FER: variants seen among roughly 807,000 people sequenced by gnomAD.
FER encodes the protein tyrosine-protein kinase Fer.
In FER, 63 loss-of-function variants were observed where a neutral mutation model predicts 111.0. The ratio of observed to expected loss-of-function variants is 0.57; its 90% CI spans 0.46 to 0.70. The LOEUF (loss-of-function observed/expected upper bound fraction) is 0.70, where lower values mean the gene tolerates loss of function less well. Among genes scored for constraint, FER ranks in the 30% least tolerant of loss-of-function variants. FER has a pLI of 0.00. For synonymous variants in FER, 327 were observed against 313.9 expected, an observed-to-expected ratio of 1.04 and a Z score of -0.44; for missense variants, 914 against 954.0, an observed-to-expected ratio of 0.96 and a Z score of 0.55.
intron 14 of FER, among the ~76,000 whole-genome samples, chr5:109,038,130 C>G (rs1486581196): frequency 4.0e-5 from 6 of 151,786 alleles, no homozygotes; most frequent in African/African-American, 1.4e-4. Context: ...ATGGCAGATA[C>G]TTGAGAATTA....
intron 10 of FER, among the ~76,000 whole-genome samples, chr5:108,919,248 A>T (rs1487725859): frequency 1.3e-5 from 2 of 151,002 alleles, no homozygotes; most frequent in Non-Finnish European, 2.9e-5. Context: ...GGATCTTGTA[A>T]TTCTAGTTGG....
chr5:109,025,809 TA>T (rs1768645544), intron 13 of FER, among the ~76,000 whole-genome samples: 1 of 152,076 alleles, frequency 6.6e-6, no homozygotes, highest in Non-Finnish European at 1.5e-5. Flanking sequence ...ATACCTAATT[TA>T]TTGAGAGTTT....
rs11957679 is a variant in FER, at chr5:108,782,137, A to T, written c.-60+13899A>T. 8.9e-3 allele frequency among the ~76,000 whole-genome samples: 1,351 copies of T among 152,102 alleles called. 16 individuals are homozygous for T. The highest frequency in any genetic ancestry group is 0.031 in the African/African-American group (1,268 of 41,472). On this transcript the variant is annotated intron_variant, in intron 2 of 19. Transcript: ENST00000281092. ...CTGCAGAGTTTTCTGCTTCAGTTTGATGGGATTCTTTGCAGTCACCTGTTC... is the reference window on the plus strand; with the variant it reads ...CTGCAGAGTTTTCTGCTTCAGTTTGTTGGGATTCTTTGCAGTCACCTGTTC...
Position 109,051,468 on chromosome 5 carries a change from G to T in FER, c.1924+4270G>T, listed in dbSNP as rs115715653. The stretch of plus-strand genomic sequence containing the variant: ...CATCGGGGAAATCAAAAGGCTGTGC[G>T]TGGGAGTTAGAGATGGTGCTTCCCG... On this transcript the variant is annotated intron_variant, in intron 16 of 19. Transcript: ENST00000281092. 126 of 1,611,920 alleles carry T rather than the reference G, an allele frequency of 7.8e-5. 1 individual carries two copies. The African/African-American group carries it at 1.5e-3, about 19-fold the overall frequency.
In FER at chr5:109,007,064, C is replaced by G. The variant is rs967672738; in HGVS notation, c.1657-30358C>G. 2.6e-5 allele frequency among the ~76,000 whole-genome samples: 4 copies of G among 152,012 alleles called. No homozygotes were observed. In the East Asian group the frequency reaches 7.7e-4, roughly 29 times the overall value. On this transcript the variant is annotated intron_variant, in intron 13 of 19. Transcript: ENST00000281092. ...AGTTGGGTTATTCAGAAAATTGAGG[C>G]ATTATTTTTTAGATGGGTTATTCAG...
At position 108,760,749 on chromosome 5, in the gene FER, G is replaced by C. The variant is rs529933414; in HGVS notation, c.-205-7344G>C. 2.2e-4 allele frequency among the ~76,000 whole-genome samples: 33 copies of C among 152,266 alleles called. 1 individual carries two copies. Among genetic ancestry groups the C allele is most frequent in the African/African-American group, 7.9e-4 (33 of 41,560 alleles). ...TTAGGCCTTGGCTTGAGGAAATTTT[G>C]TGGCTGGTTTGATCTATCTAGACTA... is the stretch of plus-strand genomic sequence containing the variant. On this transcript the variant is annotated intron_variant, in intron 1 of 19. Coordinates refer to ENST00000281092, the MANE Select transcript of FER (RefSeq NM_005246.4).
intron 17 of FER, among the ~76,000 whole-genome samples, chr5:109,174,371 A>G (rs1305053293): frequency 6.6e-6 from 1 of 152,200 alleles, no homozygotes; most frequent in Non-Finnish European, 1.5e-5. Flanking sequence ...TTTTTGGTCA[A>G]TCTCTGATCC....
chr5:108,972,213 T>C (rs1760751317), intron 13 of FER, among the ~76,000 whole-genome samples: 1 of 151,890 alleles, frequency 6.6e-6, no homozygotes, highest in Non-Finnish European at 1.5e-5. Context: ...GTTATCAGAA[T>C]GGAGGGACAG....
At chr5:109,177,267 C>A (rs1176648951) in intron 17 of FER, among the ~76,000 whole-genome samples, 1 of 152,018 alleles carries the variant, frequency 6.6e-6, no homozygotes, top group Non-Finnish European at 1.5e-5. Flanking sequence ...AAATATGCTT[C>A]ATTTAATCCT....
chr5:108,927,067 T>G (rs1753841778), intron 10 of FER, among the ~76,000 whole-genome samples: 1 of 152,004 alleles, frequency 6.6e-6, no homozygotes, highest in Non-Finnish European at 1.5e-5. Context: ...TGATATTGTA[T>G]TATGTGTGGT....
chr5:108,756,102 C>T (rs1408108143), intron 1 of FER, among the ~76,000 whole-genome samples: 19 of 148,016 alleles, frequency 1.3e-4, no homozygotes, highest in South Asian at 2.1e-4. Flanking sequence ...TGCGGTGAGC[C>T]GAGACCATGC....
At chr5:109,051,609 A>G (rs1462064084) in intron 16 of FER, 2 of 1,602,306 alleles carry the variant, frequency 1.2e-6, no homozygotes, top group Non-Finnish European at 8.6e-7. Flanking sequence ...GCTTGTACCC[A>G]GGAAGAGACA....
At chr5:108,904,300 A>G (rs368604309) in intron 10 of FER, among the ~76,000 whole-genome samples, 3 of 152,206 alleles carry the variant, frequency 2.0e-5, no homozygotes, top group East Asian at 1.9e-4. Context: ...CAATAAGGCA[A>G]TGAGTGCTGG....
At chr5:108,896,932 G>A (rs186946389) in intron 9 of FER, among the ~76,000 whole-genome samples, 50 of 152,208 alleles carry the variant, frequency 3.3e-4, no homozygotes, top group Admixed American at 1.5e-3. Context: ...ATTTCCAGAA[G>A]TATCTACCAC....
At chr5:108,975,505 G>C (rs1230994927) in intron 13 of FER, among the ~76,000 whole-genome samples, 1 of 152,134 alleles carries the variant, frequency 6.6e-6, no homozygotes, top group Non-Finnish European at 1.5e-5. Flanking sequence ...GGTGAGGTTG[G>C]AGAAGGGAAA....
intron 10 of FER, among the ~76,000 whole-genome samples, chr5:108,900,964 G>T (rs572248609): frequency 6.6e-6 from 1 of 152,306 alleles, no homozygotes; most frequent in East Asian, 1.9e-4. Flanking sequence ...TTGTAAGAGT[G>T]TTAAGAGGTG....
chr5:109,051,060 T>A (rs1358845706), intron 16 of FER, among the ~76,000 whole-genome samples: 1 of 152,170 alleles, frequency 6.6e-6, no homozygotes, highest in Non-Finnish European at 1.5e-5. Flanking sequence ...CTCTTATTTA[T>A]AATCTAAGTT....
At chr5:108,918,214 T>C (rs1752511764) in intron 10 of FER, among the ~76,000 whole-genome samples, 1 of 152,164 alleles carries the variant, frequency 6.6e-6, no homozygotes, top group Admixed American at 6.5e-5. Context: ...AAGCAAAGCT[T>C]TTCATTGTAT....
intron 17 of FER, among the ~76,000 whole-genome samples, chr5:109,130,061 T>C (rs1044226535): frequency 1.9e-4 from 11 of 57,726 alleles, no homozygotes; most frequent in African/African-American, 7.1e-4. Context: ...TGTGCGTAGG[T>C]TTTTTTTTAC....
Sources: allele counts gnomAD v4.1 joint callset (sites outside exome capture counted in the v4.1 genomes callset), GRCh38; gene constraint gnomAD v4.1.1; transcripts MANE v1.5; gene names NCBI Gene and HGNC (gene_info 2026-07-23, HGNC 2026-07-21).